The following ABCC12 variants were observed in gnomAD, a reference collection of about 807,000 sequenced individuals.
The protein encoded by ABCC12 is ATP-binding cassette sub-family C member 12.
A neutral mutation model predicts 151.1 loss-of-function variants in ABCC12; 142 were observed. The observed-to-expected ratio is 0.94, with a 90% CI of 0.82 to 1.08. The LOEUF (loss-of-function observed/expected upper bound fraction) is 1.08. ABCC12 is among the 50% of genes least tolerant of loss of function. The pLI, the probability that ABCC12 is intolerant of heterozygous loss-of-function variation, is 0.00. For synonymous variants in ABCC12, 645 were observed against 646.4 expected, an observed-to-expected ratio of 1.00 and a Z score of 0.03; for missense variants, 1,638 against 1,691.1, an observed-to-expected ratio of 0.97 and a Z score of 0.55.
chr16:48,110,346 G>A (rs1963642310), intron 18 of ABCC12, among the ~76,000 whole-genome samples: 1 of 152,124 alleles, frequency 6.6e-6, no homozygotes, highest in South Asian at 2.1e-4. Flanking sequence ...TAGGTAAAAT[G>A]GTGGTAGCCT....
At position 48,082,793 on chromosome 16, in the gene ABCC12, A is replaced by G. The variant is rs1962398347; in HGVS notation, c.*922T>C. ...TGCCCCTTGGCGGCTACTACACAAG[A>G]GCTTGCTGGATTTTCTATAAATATT... On this transcript the variant is annotated 3_prime_UTR_variant, in exon 31 of 31. Coordinates refer to ENST00000311303, the MANE Select transcript of ABCC12 (RefSeq NM_001393797.1). Among the ~76,000 whole-genome samples the G allele has an allele frequency of 6.6e-6, 1 of 152,184 alleles. No individual in the cohort carries two copies. The highest frequency in any genetic ancestry group is 1.5e-5 in the Non-Finnish European group (1 of 68,040).
At chr16:48,141,094 G>T in intron 5 of ABCC12, 112 bp downstream of exon 5, 2 of 1,471,226 alleles carry the variant, frequency 1.4e-6, no homozygotes, top group African/African-American at 1.4e-5. Flanking sequence ...CCCAAGGAGC[G>T]CAAAGATAAT....
intron 10 of ABCC12, among the ~76,000 whole-genome samples, chr16:48,129,598 C>G (rs1053615953): frequency 6.6e-6 from 1 of 152,086 alleles, no homozygotes; most frequent in Non-Finnish European, 1.5e-5. Flanking sequence ...GACAAGGGTT[C>G]AAGGATTTTG....
At chr16:48,150,279 CA>C (rs935833153) in intron 2 of ABCC12, among the ~76,000 whole-genome samples, 1 of 152,062 alleles carries the variant, frequency 6.6e-6, no homozygotes, top group Non-Finnish European at 1.5e-5. Context: ...GAATCTCATG[CA>C]AAAAATATTT....
At chr16:48,085,056 T>C (rs1962526656) in intron 29 of ABCC12, among the ~76,000 whole-genome samples, 1 of 152,004 alleles carries the variant, frequency 6.6e-6, no homozygotes, top group Non-Finnish European at 1.5e-5. Context: ...CGCCGGCCCC[T>C]CTCCCCTGAC....
Position 48,124,272 on chromosome 16 carries a change from C to G in ABCC12, c.1528G>C (p.Gly510Arg). 6.2e-7 allele frequency: 1 copy of G among 1,614,170 alleles called. No homozygotes were observed. Among genetic ancestry groups the G allele is most frequent in the Non-Finnish European group, 8.5e-7 (1 of 1,179,994 alleles). Residue 510 changes from glycine to arginine, a missense_variant, in exon 12 of 31, where the codon GGA becomes CGA. Coordinates refer to ENST00000311303, the MANE Select transcript of ABCC12 (RefSeq NM_001393797.1). ...SFVVRKGKIL[G>R]ICGNVGSGKS... ...CCACTTCCCACATTCCCACATATTC[C>G]CAAGATCTTCCCCTGCCAGAGAAAC... is the stretch of plus-strand genomic sequence containing the variant.
chr16:48,142,322 C>T (rs55913020), intron 4 of ABCC12, among the ~76,000 whole-genome samples: 4,921 of 152,202 alleles, frequency 0.032, 252 homozygotes, highest in African/African-American at 0.11. Context: ...GAGATAGCCA[C>T]GGACATGTTA....
At chr16:48,147,977 T>G (rs953863491) in intron 2 of ABCC12, among the ~76,000 whole-genome samples, 2 of 152,200 alleles carry the variant, frequency 1.3e-5, no homozygotes, top group Non-Finnish European at 2.9e-5. Flanking sequence ...AGACGGAGTC[T>G]CACTCTGTCG....
Position 48,153,785 on chromosome 16 carries a change from T to A in ABCC12, c.-220A>T, listed in dbSNP as rs1965147579. ...CGCATAGGAAATTGGTGCTAGAAGG[T>A]AATTTCCTTGAGTGCTCCCCAGGGC... On this transcript the variant is annotated 5_prime_UTR_variant, in exon 2 of 31. Coordinates refer to ENST00000311303, the MANE Select transcript of ABCC12 (RefSeq NM_001393797.1). 6.6e-6 allele frequency: 1 copy of A among 152,184 alleles called. No homozygotes were observed. Among genetic ancestry groups the A allele is most frequent in the Non-Finnish European group, 1.5e-5 (1 of 68,040 alleles). The allele number at this position is 152,184 out of a possible 1,614,324, so 9.4% of individuals were successfully genotyped here. A position where few individuals can be genotyped will look rare whatever the true frequency, so the allele number is the denominator to read the frequency against.
intron 15 of ABCC12, among the ~76,000 whole-genome samples, chr16:48,113,784 G>T (rs1963782214): frequency 6.6e-6 from 1 of 152,220 alleles, no homozygotes; most frequent in Non-Finnish European, 1.5e-5. Context: ...CCTGCCTGAG[G>T]TCATACTGCG....
chr16:48,127,243 A>C (rs1328368516), intron 11 of ABCC12, among the ~76,000 whole-genome samples: 1 of 151,920 alleles, frequency 6.6e-6, no homozygotes, highest in Non-Finnish European at 1.5e-5. Context: ...AGATTAAAAT[A>C]CCAGGCACAA....
rs12444008 is a variant in ABCC12 at position 48,095,177 on chromosome 16, G to A, written c.3195+1569C>T. Among the ~76,000 whole-genome samples, 538 of 152,298 alleles carry A rather than the reference G, an allele frequency of 3.5e-3. 3 individuals carry two copies. Among genetic ancestry groups the A allele is most frequent in the African/African-American group, 0.012 (506 of 41,552 alleles). ...CAGTGGGTTGGGAGATAATTGAATC[G>A]TGGGGGCAGTTTCCCCCATACTGTT... On this transcript the variant is annotated intron_variant, in intron 24 of 30. Coordinates refer to ENST00000311303, the MANE Select transcript of ABCC12 (RefSeq NM_001393797.1).
At chr16:48,085,742 G>C (rs1273820672) in intron 28 of ABCC12, 36 bp from the exon 29 acceptor site, 1 of 1,540,996 alleles carries the variant, frequency 6.5e-7, no homozygotes, top group East Asian at 2.2e-5. Flanking sequence ...TTGTGCTGAT[G>C]ATCTATAAAA....
At chr16:48,141,021 T>G in intron 5 of ABCC12, 101 bp from the exon 6 acceptor site, 1 of 1,410,390 alleles carries the variant, frequency 7.1e-7, no homozygotes, top group Non-Finnish European at 9.6e-7. Context: ...AGAGGCAAAC[T>G]TTTTAATTAA....
chr16:48,153,421 C>T (rs544731933), intron 2 of ABCC12, among the ~76,000 whole-genome samples, 195 bp downstream of exon 2: 1 of 152,116 alleles, frequency 6.6e-6, no homozygotes, highest in Admixed American at 6.5e-5. Flanking sequence ...TGCAATTTTT[C>T]TGCACACTTC....
At chr16:48,096,233 C>G (rs936449618) in intron 24 of ABCC12, among the ~76,000 whole-genome samples, 1 of 152,246 alleles carries the variant, frequency 6.6e-6, no homozygotes, top group African/African-American at 2.4e-5. Flanking sequence ...GCATTCATTT[C>G]ACTCCCTCCA....
rs943443986 is a variant in ABCC12 at position 48,081,437 on chromosome 16, C to G, written c.*2278G>C. ...ATACTGATGACCATCACTGTCCTTG[C>G]AACAGGCCAAGGGGAAAGGACTGGA... On this transcript the variant is annotated 3_prime_UTR_variant, in exon 31 of 31. Coordinates refer to ENST00000311303, the MANE Select transcript of ABCC12 (RefSeq NM_001393797.1). Among the ~76,000 whole-genome samples the G allele has an allele frequency of 6.6e-6, 1 of 152,120 alleles. No homozygotes were observed.
chr16:48,089,705 A>G (rs1441451032), intron 25 of ABCC12, among the ~76,000 whole-genome samples: 1 of 152,238 alleles, frequency 6.6e-6, no homozygotes, highest in African/African-American at 2.4e-5. Flanking sequence ...AATTAGGAAT[A>G]AAAATATTTT....
At chr16:48,134,969 A>G (rs1045862753) in intron 8 of ABCC12, among the ~76,000 whole-genome samples, 1 of 151,316 alleles carries the variant, frequency 6.6e-6, no homozygotes, top group East Asian at 2.0e-4. Context: ...GGAGAATGGC[A>G]TGAACCCAGG....
Sources: allele counts gnomAD v4.1 joint callset (sites outside exome capture counted in the v4.1 genomes callset), GRCh38; gene constraint gnomAD v4.1.1; transcripts MANE v1.5; gene names NCBI Gene and HGNC (gene_info 2026-07-23, HGNC 2026-07-21).